The following RNF13 variants were observed in gnomAD, a reference collection of about 807,000 sequenced individuals.
RNF13 encodes E3 ubiquitin-protein ligase RNF13.
A neutral mutation model predicts 37.7 loss-of-function variants in RNF13; 19 were observed. The ratio of observed to expected loss-of-function variants is 0.50; its 90% confidence interval spans 0.35 to 0.74. The LOEUF is 0.74. RNF13 is among the 30% of genes least tolerant of loss of function. The pLI, the probability that RNF13 is intolerant of heterozygous loss-of-function variation, is 0.01. For synonymous variants in RNF13, 144 were observed against 157.8 expected, an observed-to-expected ratio of 0.91 and a Z score of 0.65; for missense variants, 375 against 453.0, an observed-to-expected ratio of 0.83 and a Z score of 1.56.
chr3:149,849,633 C>T (rs978776742), intron 2 of RNF13, among the ~76,000 whole-genome samples: 7 of 152,116 alleles, frequency 4.6e-5, no homozygotes, highest in Middle Eastern at 3.2e-3. Context: ...CAGACTGCCT[C>T]GGTTAGAATC....
chr3:149,886,113 T>C (rs967287978), intron 4 of RNF13, among the ~76,000 whole-genome samples: 2 of 152,336 alleles, frequency 1.3e-5, no homozygotes, highest in East Asian at 1.9e-4. Context: ...GCCAGCATCA[T>C]GCTGTTTTGG....
intron 3 of RNF13, among the ~76,000 whole-genome samples, chr3:149,864,135 G>A: frequency 6.7e-6 from 1 of 148,490 alleles, no homozygotes; most frequent in Non-Finnish European, 1.5e-5. Context: ...AGTGTTGGAG[G>A]TAAGGCACAA....
At chr3:149,917,779 CAT>C (rs1313141803) in intron 7 of RNF13, among the ~76,000 whole-genome samples, 2 of 152,090 alleles carry the variant, frequency 1.3e-5, no homozygotes, top group South Asian at 4.1e-4. Flanking sequence ...GTAAACATTC[CAT>C]GTGTGTGAAA....
intron 8 of RNF13, among the ~76,000 whole-genome samples, chr3:149,950,253 C>T (rs929444267): frequency 4.0e-5 from 6 of 149,174 alleles, no homozygotes; most frequent in East Asian, 2.0e-4. Flanking sequence ...ATTCCTGATC[C>T]GATAATTCCA....
intron 1 of RNF13, among the ~76,000 whole-genome samples, chr3:149,819,461 A>G (rs1027227228): frequency 3.3e-5 from 5 of 152,230 alleles, no homozygotes; most frequent in African/African-American, 1.2e-4. Flanking sequence ...TTTAATTTAT[A>G]CAACAGTCAC....
chr3:149,931,916 A>C (rs1719198406), intron 8 of RNF13, among the ~76,000 whole-genome samples: 2 of 152,120 alleles, frequency 1.3e-5, no homozygotes, highest in Admixed American at 1.3e-4. Context: ...CTTAGTTCCC[A>C]CATACGAGTG....
At position 149,860,662 on chromosome 3, in the gene RNF13, T is replaced by C. The variant is rs144240975; in HGVS notation, c.195+8066T>C. 5.2e-3 allele frequency among the ~76,000 whole-genome samples: 786 copies of C among 152,090 alleles called. 6 individuals are homozygous for C. The highest frequency in any genetic ancestry group is 0.015 in the African/African-American group (627 of 41,498). ...TTAAAGCCCCCAAACTATAAAACTA[T>C]TGGAAGAAAACATATGGAAAACACT... On this transcript the variant is annotated intron_variant, in intron 3 of 9. Transcript: ENST00000392894.
chr3:149,939,789 A>G, intron 8 of RNF13: 3 of 585,686 alleles, frequency 5.1e-6, no homozygotes, highest in Non-Finnish European at 9.8e-6. Context: ...TGTCCATCAA[A>G]TCTTCCATGG....
intron 3 of RNF13, among the ~76,000 whole-genome samples, chr3:149,862,378 T>C (rs1356519261): frequency 6.6e-6 from 1 of 152,086 alleles, no homozygotes; most frequent in Non-Finnish European, 1.5e-5. Context: ...TACTGAAACA[T>C]CCTTTTTATC....
intron 4 of RNF13, among the ~76,000 whole-genome samples, chr3:149,876,389 G>T (rs1408616030): frequency 6.6e-6 from 1 of 152,158 alleles, no homozygotes; most frequent in Non-Finnish European, 1.5e-5. Flanking sequence ...TTTTTTGTGG[G>T]CATGAATGGA....
At chr3:149,879,055 G>C (rs934069093) in intron 4 of RNF13, among the ~76,000 whole-genome samples, 2 of 152,140 alleles carry the variant, frequency 1.3e-5, no homozygotes, top group African/African-American at 4.8e-5. Flanking sequence ...TTTATAACTA[G>C]AAGTTTGAAG....
chr3:149,947,344 C>T lies in RNF13; in HGVS notation c.701-12712C>T, dbSNP rs902403080. On this transcript the variant is annotated intron_variant, in intron 8 of 9. Transcript: ENST00000392894. ...CTTCTGTCTGGTTGTTCTATTCTTA[C>T]TGAAAGTGGGGTATTGAAGTCGCCT... 2.6e-5 allele frequency among the ~76,000 whole-genome samples: 4 copies of T among 151,024 alleles called. No homozygotes were observed. In the East Asian group the frequency reaches 5.8e-4, roughly 22 times the overall value.
At chr3:149,873,973 T>C (rs544749377) in intron 4 of RNF13, among the ~76,000 whole-genome samples, 1 of 152,186 alleles carries the variant, frequency 6.6e-6, no homozygotes, top group Non-Finnish European at 1.5e-5. Flanking sequence ...TGTAATAGTC[T>C]TTTGCTTATG....
At position 149,961,167 on chromosome 3, in the gene RNF13, T is replaced by C. The variant is rs1298199306; in HGVS notation, c.*63T>C. On this transcript the variant is annotated 3_prime_UTR_variant, in exon 10 of 10. Transcript: ENST00000392894. ...ATTAGGTATATACTGTAATTTGATT[T>C]TTTGCTCCCTTCAAAGATTTCTGTA... The C allele has an allele frequency of 4.3e-6, 6 of 1,410,736 alleles. No individual in the cohort carries two copies. Among genetic ancestry groups the C allele is most frequent in the Non-Finnish European group, 5.8e-6 (6 of 1,038,376 alleles). 87.4% of individuals were successfully genotyped at this position (1,410,736 alleles called of 1,614,324 possible).
intron 8 of RNF13, among the ~76,000 whole-genome samples, chr3:149,948,624 A>G (rs999763328): frequency 1.1e-4 from 16 of 152,236 alleles, no homozygotes; most frequent in African/African-American, 3.9e-4. Flanking sequence ...ATCACATATA[A>G]AAACCATGAT....
intron 1 of RNF13, among the ~76,000 whole-genome samples, chr3:149,828,704 C>A (rs566572826): frequency 1.3e-5 from 2 of 152,060 alleles, no homozygotes; most frequent in South Asian, 4.1e-4. Flanking sequence ...TAGTTTGACC[C>A]TCTACCCACT....
At chr3:149,870,508 G>C (rs925899379) in intron 3 of RNF13, among the ~76,000 whole-genome samples, 1 of 151,856 alleles carries the variant, frequency 6.6e-6, no homozygotes, top group African/African-American at 2.4e-5. Context: ...GGAGCTGGAA[G>C]CCAACCTATA....
intron 3 of RNF13, among the ~76,000 whole-genome samples, chr3:149,855,241 C>T (rs924760691): frequency 8.5e-5 from 13 of 152,150 alleles, no homozygotes; most frequent in Non-Finnish European, 2.9e-5. Flanking sequence ...ATCGCTTGAA[C>T]CCAGGAAGGT....
chr3:149,837,555 G>A (rs561429059), intron 1 of RNF13, among the ~76,000 whole-genome samples: 161 of 152,282 alleles, frequency 1.1e-3, no homozygotes, highest in African/African-American at 3.8e-3. Flanking sequence ...TGAAAGGCAC[G>A]TCTCACATGG....
Sources: allele counts gnomAD v4.1 joint callset (sites outside exome capture counted in the v4.1 genomes callset), GRCh38; gene constraint gnomAD v4.1.1; transcripts MANE v1.5; gene names NCBI Gene and HGNC (gene_info 2026-07-23, HGNC 2026-07-21).